The following NOTUM variants were observed in gnomAD, a reference collection of about 807,000 sequenced individuals.
The protein encoded by NOTUM is palmitoleoyl-protein carboxylesterase NOTUM.
A neutral mutation model predicts 65.5 loss-of-function variants in NOTUM; 36 were observed. The ratio of observed to expected loss-of-function variants is 0.55; its 90% CI spans 0.42 to 0.73. The LOEUF (loss-of-function observed/expected upper bound fraction) is 0.73, where lower values mean the gene tolerates loss of function less well. Among genes scored for constraint, NOTUM ranks in the 30% least tolerant of loss-of-function variants. NOTUM has a pLI of 0.00. For missense variants in NOTUM, 659 were observed against 694.2 expected, an observed-to-expected ratio of 0.95 and a Z score of 0.57; for synonymous variants, 356 against 297.9, an observed-to-expected ratio of 1.20 and a Z score of -2.01.
rs1362713773 is a variant in NOTUM, at chr17:81,960,255, C to A, written c.323+332G>T. Among the ~76,000 whole-genome samples the A allele has an allele frequency of 6.6e-6, 1 of 152,244 alleles. No individual in the cohort carries two copies. The highest frequency in any genetic ancestry group is 1.5e-5 in the Non-Finnish European group (1 of 68,036). On this transcript the variant is annotated intron_variant, in intron 1 of 10. Coordinates refer to ENST00000409678, the MANE Select transcript of NOTUM (RefSeq NM_178493.6). This position sits in a 1 kb window ranked among gnomAD's most constrained non-coding sequence, Gnocchi z 6.4. ...GCAAGGAGGTGGGCAGCGGGCCTCT[C>A]CCCGCCCCCCGGTGTCGCCGGTTCC...
intron 5 of NOTUM, among the ~76,000 whole-genome samples, 200 bp downstream of exon 5, chr17:81,958,135 C>A (rs982995899): frequency 6.6e-6 from 1 of 152,144 alleles, no homozygotes; most frequent in Non-Finnish European, 1.5e-5. Context: ...CAGTTGTGGA[C>A]AAGCAGGCAG....
chr17:81,955,082 T>C (rs2041420922), intron 9 of NOTUM, among the ~76,000 whole-genome samples: 1 of 149,684 alleles, frequency 6.7e-6, no homozygotes, highest in East Asian at 2.0e-4. Context: ...CCAGTTCAAG[T>C]GATTCTCCTG....
At chr17:81,957,977 G>A (rs2041445892) in intron 5 of NOTUM, 69 bp from the exon 6 acceptor site, 1 of 1,182,602 alleles carries the variant, frequency 8.5e-7, no homozygotes, top group Non-Finnish European at 1.2e-6. Flanking sequence ...CCCCAGAATG[G>A]CTGGCAGAGA....
At position 81,958,330 on chromosome 17, in the gene NOTUM, C is replaced by A; in HGVS notation, c.592+5G>T. The stretch of plus-strand genomic sequence containing the variant: ...CTGCCATGCCCTGGGAAGGCCGAGA[C>A]TCACTCTTCTCAGACTTGGATGAAG... On this transcript the variant is annotated splice_donor_5th_base_variant and intron_variant, in intron 5 of 10. Coordinates refer to ENST00000409678, the MANE Select transcript of NOTUM (RefSeq NM_178493.6). The A allele has an allele frequency of 6.2e-7, 1 of 1,601,300 alleles. No individual in the cohort carries two copies. Among genetic ancestry groups the A allele is most frequent in the Non-Finnish European group, 8.5e-7 (1 of 1,169,872 alleles).
chr17:81,958,797 C>T (rs2041452265), intron 4 of NOTUM, 138 bp downstream of exon 4: 2 of 678,710 alleles, frequency 2.9e-6, no homozygotes, highest in South Asian at 3.5e-5. Context: ...CCCTCTAGGA[C>T]AGGACCTCCC....
chr17:81,954,206 TTTTGAA>T (rs1230831365), intron 10 of NOTUM, 44 bp downstream of exon 10: 2 of 1,391,850 alleles, frequency 1.4e-6, no homozygotes, highest in Non-Finnish European at 2.0e-6. Flanking sequence ...GCATGTGGAC[TTTTGAA>T]GTTGATGTCA....
At chr17:81,957,405 T>C (rs562290671) in intron 6 of NOTUM, among the ~76,000 whole-genome samples, 2 of 152,110 alleles carry the variant, frequency 1.3e-5, no homozygotes, top group South Asian at 4.1e-4. Flanking sequence ...CTATTCCCCA[T>C]TTGTCTCCTG....
At chr17:81,956,279 G>A (rs1029318515) in intron 8 of NOTUM, among the ~76,000 whole-genome samples, 1 of 152,178 alleles carries the variant, frequency 6.6e-6, no homozygotes, top group Non-Finnish European at 1.5e-5. Context: ...AACTAGCCCA[G>A]GACCCTGCAG....
At position 81,957,836 on chromosome 17, in the gene NOTUM, C is replaced by A; in HGVS notation, c.665G>T (p.Gly222Val). ...CCCGGCCAGCAGCAGCACCTTGGCC[C>A]CGCTCAGCCCTCTGCCCAGAAGCTC... Reference protein sequence around the residue: ...VRELLGRGLSGAKVLLLAGSS... With the variant: ...VRELLGRGLSVAKVLLLAGSS... The change falls in exon 6 of 11, where the codon GGG becomes GTG. Residue 222 changes from glycine (G) to valine (V), a missense_variant. Coordinates refer to ENST00000409678, the MANE Select transcript of NOTUM (RefSeq NM_178493.6). 1 of 1,608,570 alleles carries A rather than the reference C, an allele frequency of 6.2e-7. No homozygotes were observed. Among genetic ancestry groups the A allele is most frequent in the Non-Finnish European group, 8.5e-7 (1 of 1,178,156 alleles).
chr17:81,953,389 G>A (rs1038344516), intron 10 of NOTUM, 122 bp from the exon 11 acceptor site: 28 of 644,248 alleles, frequency 4.3e-5, no homozygotes, highest in South Asian at 1.4e-4. Context: ...TCCGCCTCCC[G>A]GGTTCAAGCG....
rs1170037794 is a variant in NOTUM, at chr17:81,952,581, T to C, written c.*380A>G. The C allele has an allele frequency of 9.9e-6, 2 of 202,840 alleles. No individual in the cohort carries two copies. Among genetic ancestry groups the C allele is most frequent in the African/African-American group, 4.6e-5 (2 of 43,066 alleles). 12.6% of individuals were successfully genotyped at this position (202,840 alleles called of 1,614,324 possible). On this transcript the variant is annotated 3_prime_UTR_variant, in exon 11 of 11. Coordinates refer to ENST00000409678, the MANE Select transcript of NOTUM (RefSeq NM_178493.6). ...AATATCATTCATCATATATTCTTAT[T>C]TTCCTTTTTTTAAAAAATTAAAGTA... is the stretch of plus-strand genomic sequence containing the variant.
chr17:81,960,974 GGC>G lies in NOTUM; in HGVS notation c.-67_-66del. Reference sequence around the variant, plus strand: ...GCGGCGGCGGCGGCGGGGGATGCCGGGCCGGGGGTGCCGGGCCGGGGGTGTCG... The same window carrying G: ...GCGGCGGCGGCGGCGGGGGATGCCGGCGGGGGTGCCGGGCCGGGGGTGTCG... On this transcript the variant is annotated 5_prime_UTR_variant, in exon 1 of 11. Coordinates refer to ENST00000409678, the MANE Select transcript of NOTUM (RefSeq NM_178493.6). This position sits in a 1 kb window ranked among gnomAD's most constrained non-coding sequence, Gnocchi z 6.4. 1 of 932,054 alleles carries G rather than the reference GGC, an allele frequency of 1.1e-6. No homozygotes were observed. The highest frequency in any genetic ancestry group is 1.4e-6 in the Non-Finnish European group (1 of 740,032). 57.7% of individuals were successfully genotyped at this position (932,054 alleles called of 1,614,324 possible). A position where few individuals can be genotyped will look rare whatever the true frequency, so the allele number is the denominator to read the frequency against.
chr17:81,954,541 G>A (rs995371175), intron 9 of NOTUM, among the ~76,000 whole-genome samples: 2 of 152,230 alleles, frequency 1.3e-5, no homozygotes, highest in Non-Finnish European at 2.9e-5. Context: ...CCCAGGTGAT[G>A]GCAAGAGGCT....
intron 10 of NOTUM, 110 bp from the exon 11 acceptor site, chr17:81,953,377 C>G: frequency 1.5e-6 from 1 of 680,776 alleles, no homozygotes; most frequent in Non-Finnish European, 2.5e-6. Flanking sequence ...CTCACTGCAG[C>G]CTCCGCCTCC....
chr17:81,952,701 C>A lies in NOTUM; in HGVS notation c.*260G>T. 2 of 551,920 alleles carry A rather than the reference C, an allele frequency of 3.6e-6. No individual in the cohort carries two copies. Among genetic ancestry groups the A allele is most frequent in the Non-Finnish European group, 6.4e-6 (2 of 310,458 alleles). 34.2% of individuals were successfully genotyped at this position (551,920 alleles called of 1,614,324 possible). ...TGGTGGACTGAGGAATCCAGTGCTTCTCTTCTGGCTACCCCCTCGTTGTCA... is the reference window on the plus strand; with the variant it reads ...TGGTGGACTGAGGAATCCAGTGCTTATCTTCTGGCTACCCCCTCGTTGTCA... On this transcript the variant is annotated 3_prime_UTR_variant, in exon 11 of 11. Transcript: ENST00000409678.
chr17:81,959,012 G>A lies in NOTUM; in HGVS notation c.473-17C>T, dbSNP rs369495156. ...TCCCTGTGCCTGGGGACACAGAGGC[G>A]GTGGGTCTTTCTAGCGGGAGGAGGC... On this transcript the variant is annotated splice_polypyrimidine_tract_variant and intron_variant, in intron 3 of 10. Transcript: ENST00000409678. 5.4e-5 allele frequency: 87 copies of A among 1,610,388 alleles called. No individual in the cohort carries two copies. The highest frequency in any genetic ancestry group is 7.0e-5 in the Non-Finnish European group (82 of 1,177,600).
In NOTUM at chr17:81,960,524, G is replaced by T; in HGVS notation, c.323+63C>A. ...GGAGAGAACGGCCGCGGCCCGCAGG[G>T]AAGGTCCAGCCGGAGACCGGGCGCG... On this transcript the variant is annotated intron_variant, in intron 1 of 10. Coordinates refer to ENST00000409678, the MANE Select transcript of NOTUM (RefSeq NM_178493.6). This position sits in a 1 kb window ranked among gnomAD's most constrained non-coding sequence, Gnocchi z 6.4. The T allele has an allele frequency of 1.7e-6, 2 of 1,202,340 alleles. No homozygotes were observed. The highest frequency in any genetic ancestry group is 1.1e-6 in the Non-Finnish European group (1 of 893,886). 74.5% of individuals were successfully genotyped at this position (1,202,340 alleles called of 1,614,324 possible).
chr17:81,956,839 G>T, intron 7 of NOTUM, 44 bp downstream of exon 7: 1 of 1,597,772 alleles, frequency 6.3e-7, no homozygotes, highest in Admixed American at 1.7e-5. Flanking sequence ...GGCCCTTCTG[G>T]GGCAAAGCTG....
rs1346889053 is a variant in NOTUM, at chr17:81,959,358, C to T, written c.472+113G>A. 19 of 790,346 alleles carry T rather than the reference C, an allele frequency of 2.4e-5. No homozygotes were observed. In the East Asian group the frequency reaches 3.8e-4, roughly 16 times the overall value. The allele number at this position is 790,346 out of a possible 1,614,324, so 49.0% of individuals were successfully genotyped here. On this transcript the variant is annotated intron_variant, in intron 3 of 10. Transcript: ENST00000409678. The stretch of plus-strand genomic sequence containing the variant: ...GCCCCTTGCTCTTAGTAAACCCGGG[C>T]GCCAGGCTGGGCATGATGTGCGGGG...
Sources: allele counts gnomAD v4.1 joint callset (sites outside exome capture counted in the v4.1 genomes callset), GRCh38; gene constraint gnomAD v4.1.1; non-coding constraint Gnocchi (gnomAD v3.1); transcripts MANE v1.5; gene names NCBI Gene and HGNC (gene_info 2026-07-23, HGNC 2026-07-21).